Variants in TRIM5 observed in about 807,000 individuals in gnomAD.
TRIM5 encodes the protein tripartite motif-containing protein 5.
TRIM5 carries 31 observed loss-of-function variants against 35.6 expected under a neutral mutation model. That is an observed-to-expected ratio of 0.87 (90% CI 0.65 to 1.18). The LOEUF is 1.18. TRIM5 is among the 50% of genes most tolerant of loss of function. TRIM5 has a pLI of 0.00. For missense variants in TRIM5, 609 were observed against 591.6 expected, an observed-to-expected ratio of 1.03 and a Z score of -0.31; for synonymous variants, 243 against 215.6, an observed-to-expected ratio of 1.13 and a Z score of -1.11.
rs748278718 is a variant in TRIM5, at chr11:5,680,216, A to G, written c.-39T>C. The stretch of plus-strand genomic sequence containing the variant: ...CTGCTCCTGCCTGTCCTGGCTGCTG[A>G]GGTTCCTCTTGTTCACAGATCCCTG... On this transcript the variant is annotated 5_prime_UTR_variant, in exon 2 of 8. Coordinates refer to ENST00000380034, the MANE Select transcript of TRIM5 (RefSeq NM_033034.3). 1 of 1,538,592 alleles carries G rather than the reference A, an allele frequency of 6.5e-7. No individual in the cohort carries two copies. The highest frequency in any genetic ancestry group is 1.3e-5 in the South Asian group (1 of 78,802).
chr11:5,602,107 C>T, the TRIM5 span, among the ~76,000 whole-genome samples: 10 of 152,066 alleles, frequency 6.6e-5, no homozygotes, highest in Admixed American at 6.6e-5. Context: ...CATTTCACTG[C>T]GAGGATTCAA....
chr11:5,658,708 C>A (rs1241786490), downstream of TRIM5, among the ~76,000 whole-genome samples: 1 of 152,154 alleles, frequency 6.6e-6, no homozygotes, highest in Non-Finnish European at 1.5e-5. Context: ...AGAAAGAGTA[C>A]AGTGTGTGCA....
the TRIM5 span, chr11:5,603,138 T>A: frequency 5.3e-6 from 8 of 1,504,016 alleles, no homozygotes; most frequent in Non-Finnish European, 7.1e-6. Context: ...TGAGAAGCCC[T>A]TGTTACCCCA....
At chr11:5,597,562 G>A in the TRIM5 span, among the ~76,000 whole-genome samples, 1 of 152,032 alleles carries the variant, frequency 6.6e-6, no homozygotes, top group African/African-American at 2.4e-5. Flanking sequence ...TATTCCTAAA[G>A]TGCAAGAACT....
chr11:5,663,290 T>C lies in TRIM5; in HGVS notation c.*1519A>G, dbSNP rs917277865. On this transcript the variant is annotated 3_prime_UTR_variant, in exon 8 of 8. Coordinates refer to ENST00000380034, the MANE Select transcript of TRIM5 (RefSeq NM_033034.3). Reference sequence around the variant, plus strand: ...TAATTATTTTTTACAATTAATAAACTGATTCCCACATAATTCAGTTTGTTT... The same window carrying C: ...TAATTATTTTTTACAATTAATAAACCGATTCCCACATAATTCAGTTTGTTT... 1 of 950,882 alleles carries C rather than the reference T, an allele frequency of 1.1e-6. No individual in the cohort carries two copies. 58.9% of individuals were successfully genotyped at this position (950,882 alleles called of 1,614,324 possible).
the TRIM5 span, among the ~76,000 whole-genome samples, chr11:5,634,386 T>G: frequency 6.6e-6 from 1 of 150,972 alleles, no homozygotes; most frequent in Non-Finnish European, 1.5e-5. Context: ...AAAAATAGCT[T>G]CCCTCCAAGT....
In TRIM5 at chr11:5,664,684, C is replaced by T. The variant is rs1001219526; in HGVS notation, c.*125G>A. 43 of 1,459,686 alleles carry T rather than the reference C, an allele frequency of 2.9e-5. No individual in the cohort carries two copies. In the South Asian group the frequency reaches 3.8e-4, roughly 13 times the overall value. The allele number at this position is 1,459,686 out of a possible 1,614,324, so 90.4% of individuals were successfully genotyped here. ...TTACATTTTACTGATGAGTGAAGGA[C>T]GTTCAAATAGAAAGAAGGGAGACAG... On this transcript the variant is annotated 3_prime_UTR_variant, in exon 8 of 8. Transcript: ENST00000380034.
chr11:5,660,332 T>C (rs1196857581), downstream of TRIM5, among the ~76,000 whole-genome samples: 1 of 152,212 alleles, frequency 6.6e-6, no homozygotes, highest in Non-Finnish European at 1.5e-5. Flanking sequence ...TTTAGTGTTC[T>C]ACCCAGTAAC....
chr11:5,610,972 C>A, the TRIM5 span: 1 of 1,614,120 alleles, frequency 6.2e-7, no homozygotes, highest in African/African-American at 1.3e-5. Flanking sequence ...AAGAAGACTG[C>A]CTGGATCCTG....
At chr11:5,612,387 C>T in the TRIM5 span, 1 of 151,854 alleles carries the variant, frequency 6.6e-6, no homozygotes, top group Non-Finnish European at 1.5e-5. Context: ...GCCTTCCTCT[C>T]TACATTTAAG....
chr11:5,589,281 CCTCTT>C, the TRIM5 span: 2 of 151,344 alleles, frequency 1.3e-5, no homozygotes, highest in African/African-American at 2.4e-5. Flanking sequence ...CATCTAGTGT[CCTCTT>C]CTGAGTTTTC....
the TRIM5 span, among the ~76,000 whole-genome samples, chr11:5,620,728 T>C: frequency 2.6e-4 from 40 of 152,282 alleles, no homozygotes; most frequent in African/African-American, 9.6e-4. Flanking sequence ...CCCTCTGCAA[T>C]GGTGTTTGTC....
the TRIM5 span, chr11:5,605,509 G>A: frequency 1.5e-5 from 24 of 1,614,056 alleles, no homozygotes; most frequent in South Asian, 2.2e-5. Context: ...CAGTCGCTGC[G>A]AGAGCTCATC....
the TRIM5 span, among the ~76,000 whole-genome samples, chr11:5,630,410 ACCT>A: frequency 1.2e-4 from 18 of 151,360 alleles, no homozygotes; most frequent in Non-Finnish European, 1.5e-5. Context: ...CCCTGCCCCC[ACCT>A]CCTATTCATT....
chr11:5,615,441 T>C, the TRIM5 span, among the ~76,000 whole-genome samples: 1 of 147,548 alleles, frequency 6.8e-6, no homozygotes, highest in African/African-American at 2.5e-5. Context: ...CATACACATT[T>C]AGGAATGTTA....
the TRIM5 span, among the ~76,000 whole-genome samples, chr11:5,657,239 C>T: frequency 1.3e-5 from 2 of 151,866 alleles, no homozygotes; most frequent in African/African-American, 2.4e-5. Flanking sequence ...CATGTTCTCA[C>T]TTATAAGTGG....
chr11:5,611,098 A>G, the TRIM5 span: 1 of 1,614,074 alleles, frequency 6.2e-7, no homozygotes, highest in Admixed American at 1.7e-5. Context: ...GGGTTACAGC[A>G]TAACCATGAA....
chr11:5,638,515 T>C, the TRIM5 span, among the ~76,000 whole-genome samples: 3 of 152,174 alleles, frequency 2.0e-5, no homozygotes, highest in Non-Finnish European at 2.9e-5. Flanking sequence ...AAGCCAAATA[T>C]ATTGGTACAT....
the TRIM5 span, among the ~76,000 whole-genome samples, chr11:5,633,005 T>G: frequency 6.7e-6 from 1 of 148,686 alleles, no homozygotes; most frequent in Non-Finnish European, 1.5e-5. Context: ...TTTTTTTTTT[T>G]TTTTTTGGAT....
Sources: allele counts gnomAD v4.1 joint callset (sites outside exome capture counted in the v4.1 genomes callset), GRCh38; gene constraint gnomAD v4.1.1; transcripts MANE v1.5; gene names NCBI Gene and HGNC (gene_info 2026-07-23, HGNC 2026-07-21).